Variants in NCOA1 observed in about 807,000 individuals in gnomAD.
NCOA1 encodes nuclear receptor coactivator 1.
Under a neutral mutation model 150.9 loss-of-function variants are expected in NCOA1, and 35 were observed. The observed-to-expected ratio is 0.23, with a 90% confidence interval of 0.18 to 0.31. The LOEUF (loss-of-function observed/expected upper bound fraction) is 0.31. Ranked by LOEUF, NCOA1 falls within the 10% of genes least tolerant of loss-of-function variation. The probability of loss-of-function intolerance (pLI) is 1.00; values close to 1 mark genes in which losing one functional copy is unlikely to be tolerated. For missense variants in NCOA1, 1,491 were observed against 1,749.3 expected, an observed-to-expected ratio of 0.85 and a Z score of 2.63; for synonymous variants, 590 against 630.0, an observed-to-expected ratio of 0.94 and a Z score of 0.95.
At chr2:24,544,325 T>TA (rs1665520222) in intron 1 of NCOA1, among the ~76,000 whole-genome samples, 1 of 152,154 alleles carries the variant, frequency 6.6e-6, no homozygotes, top group Non-Finnish European at 1.5e-5. Flanking sequence ...GGGTTGGAGA[T>TA]ACTGATTTGG....
At chr2:24,569,572 T>A (rs1315300788) in intron 2 of NCOA1, among the ~76,000 whole-genome samples, 2 of 139,104 alleles carry the variant, frequency 1.4e-5, no homozygotes, top group African/African-American at 5.2e-5. Flanking sequence ...TTTTTTTTTT[T>A]TTTTTTTACT....
chr2:24,625,633 A>T (rs1669374207), intron 3 of NCOA1, among the ~76,000 whole-genome samples: 1 of 152,126 alleles, frequency 6.6e-6, no homozygotes, highest in Admixed American at 6.5e-5. Context: ...TTAAAGCTAT[A>T]AAATCTTCTC....
intron 3 of NCOA1, among the ~76,000 whole-genome samples, chr2:24,607,471 T>C (rs1334608191): frequency 6.6e-6 from 1 of 152,182 alleles, no homozygotes; most frequent in East Asian, 1.9e-4. Context: ...GGGCGGATCA[T>C]GAGGTCAGGA....
chr2:24,624,602 T>G (rs1483613495), intron 3 of NCOA1, among the ~76,000 whole-genome samples: 2 of 152,346 alleles, frequency 1.3e-5, no homozygotes, highest in Admixed American at 6.5e-5. Context: ...GGGAGTTTTC[T>G]TAACTCTGGT....
chr2:24,577,219 A>C (rs1667025290), intron 2 of NCOA1, among the ~76,000 whole-genome samples: 1 of 145,180 alleles, frequency 6.9e-6, no homozygotes, highest in African/African-American at 2.5e-5. Context: ...GCTTTTCTCT[A>C]CTCAAATGAA....
intron 1 of NCOA1, among the ~76,000 whole-genome samples, chr2:24,530,267 T>C (rs570314902): frequency 1.3e-5 from 2 of 152,360 alleles, no homozygotes; most frequent in Admixed American, 6.5e-5. Flanking sequence ...ACTGGTTTAA[T>C]AGTTAAATTT....
chr2:24,551,239 A>G (rs887963791), intron 1 of NCOA1, among the ~76,000 whole-genome samples: 6 of 152,196 alleles, frequency 3.9e-5, no homozygotes, highest in African/African-American at 1.4e-4. Flanking sequence ...CATATGTACC[A>G]TGTCTCTAGA....
chr2:24,704,972 C>A, intron 11 of NCOA1, 114 bp from the exon 12 acceptor site: 1 of 1,043,618 alleles, frequency 9.6e-7, no homozygotes, highest in Non-Finnish European at 1.4e-6. Context: ...TCTAAGCAGG[C>A]AACAGTTGGG....
chr2:24,501,291 A>G (rs1325509956), intron 1 of NCOA1, among the ~76,000 whole-genome samples: 1 of 152,226 alleles, frequency 6.6e-6, no homozygotes, highest in East Asian at 1.9e-4. Context: ...AACCAAATAA[A>G]ATAGTTATAT....
intron 14 of NCOA1, among the ~76,000 whole-genome samples, chr2:24,718,544 C>A (rs1276058573): frequency 6.6e-6 from 1 of 151,798 alleles, no homozygotes; most frequent in Non-Finnish European, 1.5e-5. Flanking sequence ...AAAATAGCCC[C>A]AAACTGGGTG....
chr2:24,745,118 A>C (rs892699419), intron 19 of NCOA1, among the ~76,000 whole-genome samples: 2 of 152,086 alleles, frequency 1.3e-5, no homozygotes, highest in Admixed American at 6.5e-5. Flanking sequence ...AATGAGTGTA[A>C]AAGAACAGAA....
In NCOA1 at chr2:24,629,813, C is replaced by CATATATATATATAT. The variant is rs1356211925; in HGVS notation, c.-174-14150_-174-14149insTATATATATATATA. 2.1e-3 allele frequency among the ~76,000 whole-genome samples: 164 copies of CATATATATATATAT among 77,240 alleles called. 1 individual carries two copies. The highest frequency in any genetic ancestry group is 3.9e-3 in the African/African-American group (77 of 19,740). 50.7% of individuals were successfully genotyped at this position (77,240 alleles called of 152,430 possible). A position where few individuals can be genotyped will look rare whatever the true frequency, so the allele number is the denominator to read the frequency against. On this transcript the variant is annotated intron_variant, in intron 3 of 22. Coordinates refer to ENST00000348332, the MANE Select transcript of NCOA1 (RefSeq NM_003743.5). The stretch of plus-strand genomic sequence containing the variant: ...GCCAGACACTGTTTTAAGTAACATA[C>CATATATATATATAT]ATACATATATATATATATATATATA...
At chr2:24,501,550 A>G (rs1472248237) in intron 1 of NCOA1, among the ~76,000 whole-genome samples, 2 of 152,216 alleles carry the variant, frequency 1.3e-5, no homozygotes, top group African/African-American at 2.4e-5. Context: ...TGTATATGCC[A>G]TATCTACATA....
chr2:24,639,887 C>CAA (rs1278174216), intron 3 of NCOA1, among the ~76,000 whole-genome samples: 80 of 48,040 alleles, frequency 1.7e-3, no homozygotes, highest in African/African-American at 3.2e-3. Flanking sequence ...GACTCTGTCT[C>CAA]AAAAAAAAAA....
At chr2:24,750,928 G>C (rs577910243) in intron 19 of NCOA1, among the ~76,000 whole-genome samples, 9 of 151,094 alleles carry the variant, frequency 6.0e-5, no homozygotes, top group Non-Finnish European at 8.9e-5. Flanking sequence ...GGGGGAAGGA[G>C]GGGGGGAAGA....
chr2:24,673,707 T>C (rs961274772), intron 7 of NCOA1, among the ~76,000 whole-genome samples: 2 of 152,184 alleles, frequency 1.3e-5, no homozygotes, highest in African/African-American at 4.8e-5. Flanking sequence ...TTGAAGCTTA[T>C]TATATGGCTT....
At chr2:24,584,911 G>A (rs1667338243) in intron 3 of NCOA1, among the ~76,000 whole-genome samples, 1 of 152,204 alleles carries the variant, frequency 6.6e-6, no homozygotes, top group South Asian at 2.1e-4. Context: ...ATTAGTGACT[G>A]ATATTGATAT....
At chr2:24,678,376 T>C (rs1180890928) in intron 7 of NCOA1, among the ~76,000 whole-genome samples, 1 of 152,210 alleles carries the variant, frequency 6.6e-6, no homozygotes, top group African/African-American at 2.4e-5. Flanking sequence ...TATAACAGAA[T>C]GATTTATGTC....
intron 3 of NCOA1, among the ~76,000 whole-genome samples, chr2:24,597,277 C>G (rs1667923335): frequency 6.6e-6 from 1 of 152,106 alleles, no homozygotes; most frequent in African/African-American, 2.4e-5. Context: ...CCCTCAAATC[C>G]TTGAGAACAG....
Sources: allele counts gnomAD v4.1 joint callset (sites outside exome capture counted in the v4.1 genomes callset), GRCh38; gene constraint gnomAD v4.1.1; transcripts MANE v1.5; gene names NCBI Gene and HGNC (gene_info 2026-07-23, HGNC 2026-07-21).